Variants in KCNMA1 observed in about 807,000 individuals in gnomAD.
KCNMA1 encodes Calcium-activated potassium channel subunit alpha-1.
KCNMA1 carries 29 observed loss-of-function variants against 140.0 expected under a neutral mutation model. That is an observed-to-expected ratio of 0.21 (90% CI 0.15 to 0.28). The LOEUF (loss-of-function observed/expected upper bound fraction) is 0.28. Among genes scored for constraint, KCNMA1 ranks in the 10% least tolerant of loss-of-function variants. The pLI, the probability that KCNMA1 is intolerant of heterozygous loss-of-function variation, is 1.00. For synonymous variants in KCNMA1, 612 were observed against 611.9 expected (o/e 1.00, Z 0.00); for missense variants, 880 against 1,602.2 (o/e 0.55, Z 7.70).
chr10:77,251,037 C>T, intron 3 of KCNMA1, 158 bp downstream of exon 3: 1 of 675,806 alleles, frequency 1.5e-6, no homozygotes, highest in Non-Finnish European at 2.7e-6. Flanking sequence ...CTTTCTTTCC[C>T]ATTTAGAAAA....
chr10:77,171,785 T>C (rs1166163277), intron 5 of KCNMA1, among the ~76,000 whole-genome samples: 1 of 152,194 alleles, frequency 6.6e-6, no homozygotes, highest in Non-Finnish European at 1.5e-5. Flanking sequence ...TCCCAGGCCA[T>C]GTGCTGGCTT....
intron 9 of KCNMA1, chr10:77,090,998 A>C (rs1315047470): frequency 5.3e-6 from 1 of 187,898 alleles, no homozygotes; most frequent in Non-Finnish European, 1.1e-5. Context: ...GACTTTTATC[A>C]GGGTGGCTAA....
At chr10:77,060,656 G>A (rs939750309) in intron 14 of KCNMA1, among the ~76,000 whole-genome samples, 7 of 152,294 alleles carry the variant, frequency 4.6e-5, no homozygotes, top group Middle Eastern at 3.4e-3. Context: ...GACTTTTGGG[G>A]ATGGGGGAAT....
chr10:77,489,060 T>C (rs2098500288), intron 1 of KCNMA1, among the ~76,000 whole-genome samples: 1 of 151,950 alleles, frequency 6.6e-6, no homozygotes, highest in Admixed American at 6.6e-5. Context: ...GTCATAAGGG[T>C]TGCAGGAGCC....
intron 2 of KCNMA1, among the ~76,000 whole-genome samples, chr10:77,313,622 C>T (rs1240662269): frequency 6.6e-6 from 1 of 152,150 alleles, no homozygotes; most frequent in Non-Finnish European, 1.5e-5. Context: ...CCTGGCAACC[C>T]CAGGAAACCT....
At chr10:77,429,797 A>G (rs1031755165) in intron 1 of KCNMA1, among the ~76,000 whole-genome samples, 1 of 151,966 alleles carries the variant, frequency 6.6e-6, no homozygotes, top group Non-Finnish European at 1.5e-5. Context: ...GTTAATATGT[A>G]TCTATCATAT....
intron 23 of KCNMA1, among the ~76,000 whole-genome samples, chr10:76,924,738 A>T (rs1270542129): frequency 6.8e-6 from 1 of 147,876 alleles, no homozygotes; most frequent in Non-Finnish European, 1.5e-5. Context: ...GCCCAGAGAG[A>T]GTTTTCAGGC....
intron 5 of KCNMA1, among the ~76,000 whole-genome samples, chr10:77,155,820 G>A (rs11002049): frequency 0.035 from 5,259 of 152,276 alleles, 158 homozygotes; most frequent in East Asian, 0.14. Context: ...ACAAAACCCT[G>A]ACACAGTGAA....
intron 2 of KCNMA1, among the ~76,000 whole-genome samples, chr10:77,368,891 A>G (rs879487159): frequency 4.6e-5 from 7 of 152,216 alleles, no homozygotes; most frequent in Non-Finnish European, 8.8e-5. Flanking sequence ...CCATTGATCT[A>G]TGTGTCTATC....
At chr10:76,964,709 GA>G (rs2073182099) in intron 20 of KCNMA1, among the ~76,000 whole-genome samples, 4 of 152,164 alleles carry the variant, frequency 2.6e-5, no homozygotes. Context: ...AGCAGGCTCT[GA>G]TGTGAGAAGT....
intron 11 of KCNMA1, 130 bp from the exon 12 acceptor site, chr10:77,084,849 G>A (rs751521248): frequency 1.9e-4 from 134 of 697,694 alleles, no homozygotes; most frequent in Non-Finnish European, 2.9e-4. Context: ...CTGAGAGCCT[G>A]AGAGATTATA....
chr10:77,228,730 C>A lies in KCNMA1; in HGVS notation c.602+22465G>T, dbSNP rs145387595. 2.6e-5 allele frequency among the ~76,000 whole-genome samples: 4 copies of A among 152,054 alleles called. No homozygotes were observed. The East Asian group carries it at 7.8e-4, about 30-fold the overall frequency. ...CTGGGGCACTGAGTGTAAACACTCT[C>A]CCGGCTACTGCTTTGCTCTTTCCCT... On this transcript the variant is annotated intron_variant, in intron 3 of 27. Coordinates refer to ENST00000286628, the MANE Select transcript of KCNMA1 (RefSeq NM_001161352.2).
intron 5 of KCNMA1, among the ~76,000 whole-genome samples, chr10:77,125,332 C>A (rs1260603559): frequency 3.3e-5 from 5 of 152,204 alleles, no homozygotes; most frequent in African/African-American, 1.2e-4. Context: ...CCTTTTGGAT[C>A]TGATGGCTTC....
intron 2 of KCNMA1, among the ~76,000 whole-genome samples, chr10:77,300,903 C>A (rs1302453695): frequency 6.6e-6 from 1 of 152,196 alleles, no homozygotes; most frequent in Admixed American, 6.5e-5. Flanking sequence ...GAGCTGCTCA[C>A]AGAAATCCTA....
chr10:77,515,036 T>G, intron 1 of KCNMA1, among the ~76,000 whole-genome samples: 1 of 152,106 alleles, frequency 6.6e-6, no homozygotes, highest in Non-Finnish European at 1.5e-5. Context: ...CTAGCTCTAG[T>G]TGAGAAATGA....
chr10:77,336,367 T>C (rs1251271032), intron 2 of KCNMA1, among the ~76,000 whole-genome samples: 1 of 151,690 alleles, frequency 6.6e-6, no homozygotes, highest in Non-Finnish European at 1.5e-5. Flanking sequence ...CACAAAGATA[T>C]GTTCTTTTTC....
At position 77,486,066 on chromosome 10, in the gene KCNMA1, A is replaced by G. The variant is rs563634633; in HGVS notation, c.379-82043T>C. Among the ~76,000 whole-genome samples the G allele has an allele frequency of 8.5e-5, 13 of 152,276 alleles. No individual in the cohort carries two copies. The South Asian group carries it at 2.7e-3, about 32-fold the overall frequency. ...ATTCCCTGCTCACTAGGGTGTTGCA[A>G]TCCTAACAAGATAGAGATAATGATA... On this transcript the variant is annotated intron_variant, in intron 1 of 27. Transcript: ENST00000286628.
intron 1 of KCNMA1, among the ~76,000 whole-genome samples, chr10:77,466,865 AG>A (rs1651065216): frequency 6.6e-6 from 1 of 151,244 alleles, no homozygotes; most frequent in Admixed American, 6.6e-5. Context: ...TTGATTTGAA[AG>A]CCCTAGAGGC....
Position 77,136,639 on chromosome 10 carries a change from T to TA in KCNMA1, c.809-15592dup, listed in dbSNP as rs201547817. On this transcript the variant is annotated intron_variant, in intron 5 of 27. Transcript: ENST00000286628. ...AAGATGAAGTGCATGGTCCCTATGA[T>TA]AAAACTATGAAAACTATAGGTATGT... Among the ~76,000 whole-genome samples, 1,221 of 149,480 alleles carry TA rather than the reference T, an allele frequency of 8.2e-3. 15 individuals carry two copies. Among genetic ancestry groups the TA allele is most frequent in the African/African-American group, 0.028 (1,164 of 40,890 alleles).
Sources: gnomAD v4.1 joint callset for allele counts (sites outside exome capture counted in the v4.1 genomes callset) on GRCh38, gnomAD v4.1.1 for gene constraint, MANE v1.5 for transcripts, NCBI Gene and HGNC (gene_info 2026-07-23, HGNC 2026-07-21) for gene names.